ACBD5: variants seen among roughly 807,000 people sequenced by gnomAD.
ACBD5 encodes acyl-CoA binding domain containing 5, also known as acyl-CoA-binding domain-containing protein 5.
In ACBD5, 40 loss-of-function variants were observed where a neutral mutation model predicts 71.8. The ratio of observed to expected loss-of-function variants is 0.56; its 90% CI spans 0.43 to 0.72. The LOEUF (loss-of-function observed/expected upper bound fraction) is 0.72. Ranked by LOEUF, ACBD5 falls within the 30% of genes least tolerant of loss-of-function variation. The pLI is 0.00. For synonymous variants in ACBD5, 229 were observed against 218.6 expected (o/e 1.05, Z -0.42); for missense variants, 559 against 644.5 (o/e 0.87, Z 1.44).
At chr10:27,184,611 A>G (rs1399248926) in intron 13 of ACBD5, among the ~76,000 whole-genome samples, 2 of 116,322 alleles carry the variant, frequency 1.7e-5, no homozygotes, top group Non-Finnish European at 3.2e-5. Context: ...CCCAGGCTGG[A>G]GTGCAGTGGC....
chr10:27,207,650 T>C (rs571149764), intron 10 of ACBD5, among the ~76,000 whole-genome samples: 1 of 152,230 alleles, frequency 6.6e-6, no homozygotes. Context: ...GGGATTATCA[T>C]AGGCCACAGT....
At chr10:27,233,844 A>G (rs2064252684) in intron 3 of ACBD5, among the ~76,000 whole-genome samples, 1 of 152,236 alleles carries the variant, frequency 6.6e-6, no homozygotes, top group Admixed American at 6.5e-5. Context: ...CGGGAGTTCA[A>G]GACCAGCCTG....
intron 3 of ACBD5, among the ~76,000 whole-genome samples, chr10:27,232,035 T>A (rs1407443620): frequency 6.6e-6 from 1 of 152,124 alleles, no homozygotes; most frequent in South Asian, 2.1e-4. Context: ...ATATAACCCG[T>A]CTATGTAGTA....
intron 3 of ACBD5, 60 bp downstream of exon 3, chr10:27,235,032 C>A: frequency 2.0e-6 from 3 of 1,506,232 alleles, no homozygotes; most frequent in South Asian, 1.1e-5. Flanking sequence ...TAAGTAATAG[C>A]CATATGATAA....
chr10:27,189,770 AT>A (rs1183044234), intron 13 of ACBD5, among the ~76,000 whole-genome samples: 39 of 12,492 alleles, frequency 3.1e-3, no homozygotes, highest in South Asian at 5.1e-3. Context: ...TATAATAAAA[AT>A]ATATATATAT....
chr10:27,207,312 T>TAATAATAATAAC (rs1365658867), intron 10 of ACBD5, among the ~76,000 whole-genome samples: 4 of 150,658 alleles, frequency 2.7e-5, no homozygotes, highest in East Asian at 1.9e-4. Context: ...ATAATAATAA[T>TAATAATAATAAC]AACATGTAAC....
chr10:27,183,796 C>A (rs1267151633), intron 13 of ACBD5, among the ~76,000 whole-genome samples: 1 of 152,034 alleles, frequency 6.6e-6, no homozygotes, highest in Non-Finnish European at 1.5e-5. Context: ...CGGCTCACTG[C>A]AACTTTCTGG....
At position 27,240,299 on chromosome 10, in the gene ACBD5, C is replaced by A. The variant is rs1360156404; in HGVS notation, c.181+20G>T. The A allele has an allele frequency of 1.9e-6, 3 of 1,613,916 alleles. No individual in the cohort carries two copies. Among genetic ancestry groups the A allele is most frequent in the African/African-American group, 1.3e-5 (1 of 74,900 alleles). ...GGCTCTCTGCAGGAGGCGTCTACAG[C>A]CGGGGCCCAGCGCACGTACCATTCT... On this transcript the variant is annotated intron_variant, in intron 2 of 12. Transcript: ENST00000396271. This position sits in a 1 kb window ranked among gnomAD's most constrained non-coding sequence, Gnocchi z 4.1.
rs2065302188 is a variant in ACBD5 at position 27,240,235 on chromosome 10, T to C, written c.181+84A>G. On this transcript the variant is annotated intron_variant, in intron 2 of 12. Coordinates refer to ENST00000396271, the MANE Select transcript of ACBD5 (RefSeq NM_145698.5). The surrounding 1 kb of genome is among the most constrained non-coding windows in gnomAD (Gnocchi z 4.1). ...CTCCTACACAGAAAAAAAGGCTAAA[T>C]AAACAACACTAGAACCAGAAAGTGA... 2.5e-6 allele frequency: 4 copies of C among 1,609,194 alleles called. No individual in the cohort carries two copies. The highest frequency in any genetic ancestry group is 3.4e-6 in the Non-Finnish European group (4 of 1,178,476).
chr10:27,216,423 G>T (rs1041108561), intron 7 of ACBD5, among the ~76,000 whole-genome samples: 10 of 152,118 alleles, frequency 6.6e-5, no homozygotes, highest in African/African-American at 2.4e-4. Context: ...TTACAGGCAT[G>T]AATCACCGCA....
intron 2 of ACBD5, among the ~76,000 whole-genome samples, chr10:27,235,476 G>A (rs1471653701): frequency 6.6e-6 from 1 of 152,154 alleles, no homozygotes; most frequent in African/African-American, 2.4e-5. Flanking sequence ...ACATGCTGTA[G>A]ATATAACCAA....
chr10:27,230,814 G>A (rs115570269), intron 4 of ACBD5, among the ~76,000 whole-genome samples: 222 of 76,850 alleles, frequency 2.9e-3, no homozygotes, highest in Admixed American at 2.7e-3. Flanking sequence ...AAAAAAAAAA[G>A]ACTCTATGAT....
intron 2 of ACBD5, among the ~76,000 whole-genome samples, chr10:27,239,236 A>G (rs1025307549): frequency 2.0e-5 from 3 of 152,236 alleles, no homozygotes; most frequent in Non-Finnish European, 4.4e-5. Flanking sequence ...TATAATTCAT[A>G]TAATGTAGAA....
At chr10:27,239,123 G>C (rs1426119333) in intron 2 of ACBD5, among the ~76,000 whole-genome samples, 2 of 152,158 alleles carry the variant, frequency 1.3e-5, no homozygotes, top group African/African-American at 4.8e-5. Context: ...CTTGAACCTG[G>C]GAGGTGGGGG....
intron 4 of ACBD5, among the ~76,000 whole-genome samples, chr10:27,228,816 T>TATATATATATATATATATA (rs71386926): frequency 7.5e-4 from 14 of 18,712 alleles, no homozygotes; most frequent in Non-Finnish European, 1.4e-3. Context: ...TATATATATA[T>TATATATATATATATATATA]TTTTTTTTTT....
At chr10:27,184,968 G>C (rs900820696) in intron 13 of ACBD5, among the ~76,000 whole-genome samples, 1 of 152,186 alleles carries the variant, frequency 6.6e-6, no homozygotes, top group African/African-American at 2.4e-5. Flanking sequence ...AAGCAGAGCA[G>C]CTCAGTGATA....
chr10:27,241,773 A>C (rs2065525356), upstream of ACBD5, among the ~76,000 whole-genome samples: 1 of 152,038 alleles, frequency 6.6e-6, no homozygotes, highest in Non-Finnish European at 1.5e-5. Context: ...GCCAATGAGG[A>C]GTCTTTACGG....
intron 3 of ACBD5, among the ~76,000 whole-genome samples, 191 bp downstream of exon 3, chr10:27,234,901 C>T (rs930695079): frequency 6.6e-6 from 1 of 151,318 alleles, no homozygotes; most frequent in African/African-American, 2.4e-5. Context: ...CACTGCACTC[C>T]AGCCTGGGCA....
intron 4 of ACBD5, among the ~76,000 whole-genome samples, chr10:27,226,765 C>T (rs899294794): frequency 6.6e-6 from 1 of 151,768 alleles, no homozygotes; most frequent in Admixed American, 6.6e-5. Context: ...AATTCTCCTA[C>T]ATCAGCTGCC....
Sources: allele counts gnomAD v4.1 joint callset (sites outside exome capture counted in the v4.1 genomes callset), GRCh38; gene constraint gnomAD v4.1.1; non-coding constraint Gnocchi (gnomAD v3.1); transcripts MANE v1.5; gene names NCBI Gene and HGNC (gene_info 2026-07-23, HGNC 2026-07-21).